WDFY2: variants seen among roughly 807,000 people sequenced by gnomAD.
WDFY2 encodes the protein WD repeat and FYVE domain-containing protein 2.
WDFY2 carries 36 observed loss-of-function variants against 56.4 expected under a neutral mutation model. That is an observed-to-expected ratio of 0.64 (90% CI 0.49 to 0.84). WDFY2 has a LOEUF of 0.84. WDFY2 is among the 40% of genes least tolerant of loss of function. The probability of loss-of-function intolerance (pLI) is 0.00; values close to 1 mark genes in which losing one functional copy is unlikely to be tolerated. For missense variants in WDFY2, 444 were observed against 512.2 expected, an observed-to-expected ratio of 0.87 and a Z score of 1.29; for synonymous variants, 176 against 183.7, an observed-to-expected ratio of 0.96 and a Z score of 0.34.
chr13:51,668,550 T>C (rs1275860878), intron 2 of WDFY2, among the ~76,000 whole-genome samples: 1 of 152,250 alleles, frequency 6.6e-6, no homozygotes, highest in Non-Finnish European at 1.5e-5. Flanking sequence ...GCAAATCTAA[T>C]AAATATTATT....
intron 6 of WDFY2, among the ~76,000 whole-genome samples, chr13:51,734,082 C>G (rs1320944043): frequency 6.6e-6 from 1 of 152,174 alleles, no homozygotes; most frequent in Non-Finnish European, 1.5e-5. Context: ...TTGGCCTGCA[C>G]ATATTACCCT....
intron 1 of WDFY2, among the ~76,000 whole-genome samples, chr13:51,655,444 A>T (rs551725282): frequency 2.1e-4 from 32 of 151,524 alleles, no homozygotes; most frequent in African/African-American, 5.3e-4. Context: ...GTGTCTGTTG[A>T]GGGGTGTGTG....
chr13:51,676,922 A>G (rs971761703), intron 3 of WDFY2, among the ~76,000 whole-genome samples: 3 of 152,244 alleles, frequency 2.0e-5, no homozygotes, highest in Admixed American at 6.5e-5. Flanking sequence ...CCCAACAGTT[A>G]TAGGATAGTT....
intron 3 of WDFY2, among the ~76,000 whole-genome samples, chr13:51,677,436 C>A (rs1346745337): frequency 2.6e-5 from 4 of 152,296 alleles, no homozygotes; most frequent in African/African-American, 4.8e-5. Flanking sequence ...CAATAACAGG[C>A]TCTTTACTGA....
intron 5 of WDFY2, among the ~76,000 whole-genome samples, chr13:51,723,774 G>A (rs932796206): frequency 6.6e-6 from 1 of 152,120 alleles, no homozygotes; most frequent in Non-Finnish European, 1.5e-5. Context: ...TCCCTGCAGC[G>A]CCGTCCTCCA....
At chr13:51,632,519 G>A (rs756812090) in intron 1 of WDFY2, among the ~76,000 whole-genome samples, 8 of 152,062 alleles carry the variant, frequency 5.3e-5, no homozygotes, top group Non-Finnish European at 8.8e-5. Flanking sequence ...ATTTCGTGGA[G>A]CAGGTCTTTC....
chr13:51,682,701 A>G (rs1165392596), intron 3 of WDFY2, among the ~76,000 whole-genome samples: 2 of 152,162 alleles, frequency 1.3e-5, no homozygotes, highest in Non-Finnish European at 2.9e-5. Context: ...TGATATATAC[A>G]TGGAAAGCTC....
At chr13:51,653,987 A>C (rs956540259) in intron 1 of WDFY2, among the ~76,000 whole-genome samples, 10 of 152,194 alleles carry the variant, frequency 6.6e-5, no homozygotes, top group East Asian at 1.9e-4. Context: ...TTGTTTGGCT[A>C]TGCCCTGCCC....
intron 1 of WDFY2, among the ~76,000 whole-genome samples, chr13:51,627,896 C>T (rs1477166342): frequency 2.0e-5 from 3 of 152,162 alleles, no homozygotes; most frequent in Non-Finnish European, 4.4e-5. Flanking sequence ...GCAGGTGGTC[C>T]AGTCATCTGC....
chr13:51,740,129 A>C (rs1826050854), intron 7 of WDFY2, among the ~76,000 whole-genome samples: 2 of 152,258 alleles, frequency 1.3e-5, no homozygotes, highest in South Asian at 4.1e-4. Context: ...CTAAATAGTT[A>C]AATCTAGTTT....
chr13:51,719,490 T>C, intron 5 of WDFY2, 142 bp downstream of exon 5: 1 of 1,001,250 alleles, frequency 1.0e-6, no homozygotes, highest in Non-Finnish European at 1.4e-6. Flanking sequence ...TAGAATTTCC[T>C]GAGGCACAAA....
At chr13:51,719,552 A>G (rs142353590) in intron 5 of WDFY2, among the ~76,000 whole-genome samples, 7 of 152,226 alleles carry the variant, frequency 4.6e-5, no homozygotes, top group Non-Finnish European at 7.3e-5. Flanking sequence ...GACCTGAAAT[A>G]ATAGACTGCT....
intron 1 of WDFY2, among the ~76,000 whole-genome samples, chr13:51,616,433 A>G (rs1351109524): frequency 6.6e-6 from 1 of 152,136 alleles, no homozygotes; most frequent in African/African-American, 2.4e-5. Flanking sequence ...ATTACCTAGT[A>G]CTCACCTGCA....
chr13:51,746,021 G>A (rs1259217024), intron 7 of WDFY2, among the ~76,000 whole-genome samples: 1 of 139,428 alleles, frequency 7.2e-6, no homozygotes, highest in East Asian at 2.1e-4. Flanking sequence ...GTGTCCCCCA[G>A]GCTGGAGTGC....
intron 2 of WDFY2, among the ~76,000 whole-genome samples, chr13:51,666,799 C>G (rs151204070): frequency 6.6e-6 from 1 of 152,044 alleles, no homozygotes; most frequent in African/African-American, 2.4e-5. Context: ...ATTGTATCTG[C>G]TTTTAAAGCC....
chr13:51,622,300 C>T (rs1417545315), intron 1 of WDFY2, among the ~76,000 whole-genome samples: 2 of 151,808 alleles, frequency 1.3e-5, no homozygotes, highest in African/African-American at 4.8e-5. Context: ...TTTTTGAGTC[C>T]CTTCTCCTTT....
chr13:51,679,288 A>G (rs1955938759), intron 3 of WDFY2, among the ~76,000 whole-genome samples: 1 of 152,198 alleles, frequency 6.6e-6, no homozygotes, highest in Non-Finnish European at 1.5e-5. Flanking sequence ...GCTATAGGAT[A>G]GTATAGGGTG....
chr13:51,690,243 G>T (rs1293897349), intron 3 of WDFY2, among the ~76,000 whole-genome samples: 1 of 150,246 alleles, frequency 6.7e-6, no homozygotes, highest in African/African-American at 2.4e-5. Flanking sequence ...TGTGCACATT[G>T]TGCAGGTTAG....
At chr13:51,699,111 A>G (rs1240532535) in intron 3 of WDFY2, among the ~76,000 whole-genome samples, 1 of 152,130 alleles carries the variant, frequency 6.6e-6, no homozygotes, top group Non-Finnish European at 1.5e-5. Flanking sequence ...TTCCCCTGCT[A>G]CTTCTGAATT....
Sources: allele counts gnomAD v4.1 joint callset (sites outside exome capture counted in the v4.1 genomes callset), GRCh38; gene constraint gnomAD v4.1.1; transcripts MANE v1.5; gene names NCBI Gene and HGNC (gene_info 2026-07-23, HGNC 2026-07-21).